The following CAPZB variants were observed in gnomAD, a reference collection of about 807,000 sequenced individuals.
CAPZB encodes capping actin protein of muscle Z-line subunit beta.
A neutral mutation model predicts 38.1 loss-of-function variants in CAPZB; 2 were observed. That is an observed-to-expected ratio of 0.05 (90% CI 0.02 to 0.17). CAPZB has a LOEUF of 0.17. Among genes scored for constraint, CAPZB ranks in the 10% least tolerant of loss-of-function variants. The pLI, the probability that CAPZB is intolerant of heterozygous loss-of-function variation, is 1.00. For missense variants in CAPZB, 161 were observed against 334.2 expected, an observed-to-expected ratio of 0.48 and a Z score of 4.04; for synonymous variants, 107 against 127.4, an observed-to-expected ratio of 0.84 and a Z score of 1.08.
At chr1:19,481,622 A>C (rs1192690398) in intron 1 of CAPZB, among the ~76,000 whole-genome samples, 2 of 152,156 alleles carry the variant, frequency 1.3e-5, no homozygotes, top group South Asian at 4.1e-4. Flanking sequence ...CCCAGGCTGG[A>C]CTTCCAAGGT....
intron 2 of CAPZB, among the ~76,000 whole-genome samples, chr1:19,412,044 G>A (rs2094359322): frequency 6.6e-6 from 1 of 152,190 alleles, no homozygotes; most frequent in African/African-American, 2.4e-5. Flanking sequence ...CAGAGCAAAA[G>A]GCTCACGTGA....
chr1:19,470,640 C>T (rs759913468), intron 1 of CAPZB, among the ~76,000 whole-genome samples: 23 of 152,304 alleles, frequency 1.5e-4, no homozygotes, highest in South Asian at 4.1e-4. Flanking sequence ...ACTGTGGGAC[C>T]TTGGTCAAGC....
At chr1:19,410,757 A>G (rs2100436325) in intron 2 of CAPZB, among the ~76,000 whole-genome samples, 1 of 152,358 alleles carries the variant, frequency 6.6e-6, no homozygotes, top group Non-Finnish European at 1.5e-5. Context: ...AAGATTATTT[A>G]GCTTTGGCAG....
Position 19,339,311 on chromosome 1 carries a change from A to G in CAPZB, c.*219T>C, listed in dbSNP as rs2093915021. On this transcript the variant is annotated 3_prime_UTR_variant, in exon 9 of 9. Transcript: ENST00000264202. ...CCACACGGTCTCTATGGAAATGTGG[A>G]GAGAACTGAGAGCGAGGTGTGGCAG... is the stretch of plus-strand genomic sequence containing the variant. 1 of 592,794 alleles carries G rather than the reference A, an allele frequency of 1.7e-6. No individual in the cohort carries two copies. Among genetic ancestry groups the G allele is most frequent in the African/African-American group, 1.9e-5 (1 of 53,704 alleles). The allele number at this position is 592,794 out of a possible 1,614,324, so 36.7% of individuals were successfully genotyped here. A position where few individuals can be genotyped will look rare whatever the true frequency, so the allele number is the denominator to read the frequency against.
At chr1:19,439,008 C>G (rs922522683) in intron 1 of CAPZB, among the ~76,000 whole-genome samples, 4 of 152,218 alleles carry the variant, frequency 2.6e-5, no homozygotes, top group African/African-American at 9.7e-5. Flanking sequence ...CAGATTCCCT[C>G]ATCAGTTGGG....
intron 2 of CAPZB, among the ~76,000 whole-genome samples, chr1:19,412,728 G>A (rs772130465): frequency 1.1e-4 from 17 of 152,140 alleles, no homozygotes; most frequent in African/African-American, 2.2e-4. Flanking sequence ...AATGAGAAGC[G>A]CCAAGGCACA....
chr1:19,398,774 G>C (rs914740963), intron 2 of CAPZB, among the ~76,000 whole-genome samples: 2 of 152,040 alleles, frequency 1.3e-5, no homozygotes, highest in African/African-American at 4.8e-5. Flanking sequence ...CTGGCAGTTA[G>C]GGCAGGTCGC....
intron 1 of CAPZB, among the ~76,000 whole-genome samples, chr1:19,422,176 C>A (rs746412666): frequency 3.3e-5 from 5 of 152,186 alleles, no homozygotes; most frequent in Non-Finnish European, 5.9e-5. Context: ...CCTCCAACAA[C>A]CCTGCCAGGA....
At chr1:19,348,759 AGG>A (rs34640043) in intron 6 of CAPZB, among the ~76,000 whole-genome samples, 4 of 98,384 alleles carry the variant, frequency 4.1e-5, no homozygotes, top group Admixed American at 9.1e-5. Context: ...GCATCTGACA[AGG>A]GGGGGGGGCG....
chr1:19,397,986 G>A (rs4911988), intron 2 of CAPZB, among the ~76,000 whole-genome samples: 33,272 of 152,034 alleles, frequency 0.22, 3,929 homozygotes, highest in East Asian at 0.36. Flanking sequence ...TCATCTGCAC[G>A]TCGACACTGG....
intron 1 of CAPZB, among the ~76,000 whole-genome samples, chr1:19,433,427 T>C (rs763699189): frequency 2.0e-5 from 3 of 152,304 alleles, no homozygotes; most frequent in African/African-American, 4.8e-5. Context: ...CCTTTTTTCA[T>C]AGCAGAAGCA....
chr1:19,353,858 A>ACGC (rs1289146197), intron 6 of CAPZB, among the ~76,000 whole-genome samples: 1 of 152,216 alleles, frequency 6.6e-6, no homozygotes, highest in Non-Finnish European at 1.5e-5. Context: ...GGGAGCCTTG[A>ACGC]CGCCGTGTGC....
At chr1:19,344,239 G>A (rs2093948578) in intron 8 of CAPZB, 119 bp downstream of exon 8, 1 of 751,108 alleles carries the variant, frequency 1.3e-6, no homozygotes, top group Non-Finnish European at 2.4e-6. Context: ...CCCAGAAGAG[G>A]GGCACTGCAG....
chr1:19,351,269 C>T (rs965431626), intron 6 of CAPZB, among the ~76,000 whole-genome samples: 2 of 151,772 alleles, frequency 1.3e-5, no homozygotes, highest in African/African-American at 4.8e-5. Context: ...GCATGAGCCA[C>T]TGCACCCGAT....
At chr1:19,467,285 A>G (rs1044079267) in intron 1 of CAPZB, among the ~76,000 whole-genome samples, 2 of 152,194 alleles carry the variant, frequency 1.3e-5, no homozygotes, top group Non-Finnish European at 2.9e-5. Context: ...AGACAGCCAC[A>G]CTGGGCTCAT....
At position 19,356,862 on chromosome 1, in the gene CAPZB, T is replaced by C; in HGVS notation, c.472-111A>G. 3 of 243,952 alleles carry C rather than the reference T, an allele frequency of 1.2e-5. No individual in the cohort carries two copies. The highest frequency in any genetic ancestry group is 1.1e-3 in the Middle Eastern group (1 of 908). 15.1% of individuals were successfully genotyped at this position (243,952 alleles called of 1,614,324 possible). On this transcript the variant is annotated intron_variant, in intron 5 of 8. Coordinates refer to ENST00000264202, the MANE Select transcript of CAPZB (RefSeq NM_004930.5). This position sits in a 1 kb window ranked among gnomAD's most constrained non-coding sequence, Gnocchi z 4.3. ...CCTAGGTCATTATCACAATATTACC[T>C]TTTTTTTTTTTAAATTGGAGACAAA...
In CAPZB at chr1:19,438,724, G is replaced by A. The variant is rs375835256; in HGVS notation, c.4-18974C>T. ...CAGTGAGACTCAGCAGAGGACACAC[G>A]AGGCCACATGAGGTACTCACATCAG... On this transcript the variant is annotated intron_variant, in intron 1 of 8. Coordinates refer to ENST00000264202, the MANE Select transcript of CAPZB (RefSeq NM_004930.5). Among the ~76,000 whole-genome samples, 140 of 152,312 alleles carry A rather than the reference G, an allele frequency of 9.2e-4. No individual in the cohort carries two copies. The South Asian group carries it at 0.019, about 21-fold the overall frequency.
chr1:19,482,427 C>G (rs148755210), intron 1 of CAPZB, among the ~76,000 whole-genome samples: 1 of 152,368 alleles, frequency 6.6e-6, no homozygotes, highest in East Asian at 1.9e-4. Context: ...GCAAAACCAT[C>G]TGTGAGCTGG....
intron 1 of CAPZB, among the ~76,000 whole-genome samples, chr1:19,461,292 T>C (rs550513406): frequency 2.6e-4 from 39 of 149,438 alleles, no homozygotes; most frequent in African/African-American, 8.9e-4. Context: ...CATAGGTCAC[T>C]GTTGCTTTGC....
Sources: allele counts gnomAD v4.1 joint callset (sites outside exome capture counted in the v4.1 genomes callset), GRCh38; gene constraint gnomAD v4.1.1; non-coding constraint Gnocchi (gnomAD v3.1); transcripts MANE v1.5; gene names NCBI Gene and HGNC (gene_info 2026-07-23, HGNC 2026-07-21).